SEMA3C: variants seen among roughly 807,000 people sequenced by gnomAD.
SEMA3C encodes the protein semaphorin-3C.
A neutral mutation model predicts 89.4 loss-of-function variants in SEMA3C; 47 were observed. The observed-to-expected ratio is 0.53, with a 90% CI of 0.42 to 0.67. SEMA3C has a LOEUF of 0.67. Ranked by LOEUF, SEMA3C falls within the 30% of genes least tolerant of loss-of-function variation. The pLI is 0.00. For missense variants in SEMA3C, 839 were observed against 929.1 expected, an observed-to-expected ratio of 0.90 and a Z score of 1.26; for synonymous variants, 310 against 320.2, an observed-to-expected ratio of 0.97 and a Z score of 0.34.
intron 2 of SEMA3C, among the ~76,000 whole-genome samples, chr7:80,872,923 G>GA (rs758696880): frequency 0.032 from 2,518 of 79,448 alleles, 52 homozygotes; most frequent in East Asian, 0.072. Flanking sequence ...GAATGAGAGT[G>GA]AAAAAAAAAA....
At chr7:80,819,987 G>C (rs956972950) in intron 4 of SEMA3C, among the ~76,000 whole-genome samples, 1 of 149,590 alleles carries the variant, frequency 6.7e-6, no homozygotes, top group African/African-American at 2.5e-5. Context: ...AAAGTTAACA[G>C]TAATTTTTCC....
intron 12 of SEMA3C, among the ~76,000 whole-genome samples, chr7:80,778,290 G>A (rs768325247): frequency 2.0e-5 from 3 of 152,098 alleles, no homozygotes; most frequent in Non-Finnish European, 4.4e-5. Flanking sequence ...TTTAATTTCA[G>A]ATAAACTGAC....
intron 2 of SEMA3C, among the ~76,000 whole-genome samples, chr7:80,870,147 G>A (rs954908700): frequency 6.6e-6 from 1 of 152,058 alleles, no homozygotes; most frequent in African/African-American, 2.4e-5. Flanking sequence ...TGCTACATGA[G>A]CACTCCTAGT....
chr7:80,761,419 A>G (rs1788179944), intron 14 of SEMA3C, among the ~76,000 whole-genome samples, 197 bp downstream of exon 14: 1 of 152,228 alleles, frequency 6.6e-6, no homozygotes, highest in Non-Finnish European at 1.5e-5. Context: ...CTTTTATACA[A>G]AAATAAACCT....
At chr7:80,816,771 T>C (rs1789617286) in intron 5 of SEMA3C, among the ~76,000 whole-genome samples, 1 of 152,212 alleles carries the variant, frequency 6.6e-6, no homozygotes, top group Non-Finnish European at 1.5e-5. Flanking sequence ...AACGTATCTT[T>C]TGAAGTGAGA....
At chr7:80,879,768 C>A (rs1289032155) in intron 2 of SEMA3C, among the ~76,000 whole-genome samples, 5 of 151,896 alleles carry the variant, frequency 3.3e-5, no homozygotes, top group African/African-American at 1.2e-4. Flanking sequence ...GTGTAAAACA[C>A]CAACATAGAA....
At chr7:80,772,439 G>A (rs897745184) in intron 12 of SEMA3C, among the ~76,000 whole-genome samples, 27 of 152,144 alleles carry the variant, frequency 1.8e-4, no homozygotes, top group Admixed American at 7.9e-4. Flanking sequence ...AATTTCTCAC[G>A]TTTAGCAGGG....
intron 2 of SEMA3C, among the ~76,000 whole-genome samples, chr7:80,870,312 TA>T (rs1791025771): frequency 2.0e-5 from 3 of 150,620 alleles, no homozygotes; most frequent in East Asian, 3.9e-4. Flanking sequence ...CAATGAATCA[TA>T]TTAACCATAC....
At chr7:80,802,859 T>C in intron 8 of SEMA3C, 80 bp from the exon 9 acceptor site, 3 of 928,314 alleles carry the variant, frequency 3.2e-6, no homozygotes, top group Non-Finnish European at 5.1e-6. Flanking sequence ...GTACTCTAGT[T>C]GCTTGGAGGA....
chr7:80,775,021 T>C (rs1788515536), intron 12 of SEMA3C, among the ~76,000 whole-genome samples: 1 of 151,922 alleles, frequency 6.6e-6, no homozygotes, highest in Admixed American at 6.6e-5. Flanking sequence ...TAAGTTTTTA[T>C]GAGAAACAAG....
intron 4 of SEMA3C, among the ~76,000 whole-genome samples, chr7:80,820,599 C>T (rs1789724004): frequency 6.6e-6 from 1 of 151,856 alleles, no homozygotes; most frequent in African/African-American, 2.4e-5. Context: ...TAACTCTAGT[C>T]AAAGAAATTA....
At chr7:80,829,444 G>T (rs779506259) in intron 2 of SEMA3C, among the ~76,000 whole-genome samples, 1 of 151,898 alleles carries the variant, frequency 6.6e-6, no homozygotes, top group Non-Finnish European at 1.5e-5. Context: ...TTTATTTTTG[G>T]ACTCTATTTA....
chr7:80,787,043 A>G (rs1456098367), intron 12 of SEMA3C, among the ~76,000 whole-genome samples: 1 of 152,214 alleles, frequency 6.6e-6, no homozygotes. Context: ...TTGTTTGCAC[A>G]GAATGGATAA....
intron 2 of SEMA3C, among the ~76,000 whole-genome samples, chr7:80,903,202 G>A (rs761955145): frequency 6.6e-6 from 1 of 152,068 alleles, no homozygotes; most frequent in East Asian, 1.9e-4. Context: ...AACCTAGGTG[G>A]ATCTCTTACT....
chr7:80,787,415 A>C (rs1220243175), intron 12 of SEMA3C, among the ~76,000 whole-genome samples: 2 of 133,832 alleles, frequency 1.5e-5, no homozygotes, highest in African/African-American at 5.4e-5. Flanking sequence ...AAAAAAAAAA[A>C]GGTGGGGGAC....
intron 2 of SEMA3C, among the ~76,000 whole-genome samples, chr7:80,900,681 A>G (rs2116194702): frequency 6.6e-6 from 1 of 152,306 alleles, no homozygotes; most frequent in Middle Eastern, 3.4e-3. Context: ...GCAGAAGGGA[A>G]TCAATTGTTT....
At chr7:80,756,185 C>T (rs536452631) in intron 15 of SEMA3C, among the ~76,000 whole-genome samples, 2 of 152,310 alleles carry the variant, frequency 1.3e-5, no homozygotes, top group East Asian at 3.9e-4. Context: ...TTCACAGTCT[C>T]TTCTTTCTCA....
intron 2 of SEMA3C, among the ~76,000 whole-genome samples, chr7:80,829,907 T>C (rs1789971685): frequency 1.3e-5 from 2 of 152,236 alleles, no homozygotes; most frequent in Middle Eastern, 3.2e-3. Context: ...GGATGACTGC[T>C]TCCATGATGA....
chr7:80,819,400 G>A (rs946967874), intron 4 of SEMA3C, among the ~76,000 whole-genome samples: 1 of 152,104 alleles, frequency 6.6e-6, no homozygotes, highest in African/African-American at 2.4e-5. Flanking sequence ...TTAACACACA[G>A]AAGTTATTTT....
Sources: allele counts gnomAD v4.1 joint callset (sites outside exome capture counted in the v4.1 genomes callset), GRCh38; gene constraint gnomAD v4.1.1; transcripts MANE v1.5; gene names NCBI Gene and HGNC (gene_info 2026-07-23, HGNC 2026-07-21).